GAN: variants seen among roughly 807,000 people sequenced by gnomAD.
GAN encodes the protein gigaxonin.
A neutral mutation model predicts 71.3 loss-of-function variants in GAN; 48 were observed. The observed-to-expected ratio is 0.67, with a 90% CI of 0.53 to 0.86. The LOEUF (loss-of-function observed/expected upper bound fraction) is 0.86. GAN is among the 40% of genes least tolerant of loss of function. The probability of loss-of-function intolerance (pLI) is 0.00; values close to 1 mark genes in which losing one functional copy is unlikely to be tolerated. For missense variants in GAN, 928 were observed against 770.1 expected, an observed-to-expected ratio of 1.21 and a Z score of -2.43; for synonymous variants, 386 against 276.8, an observed-to-expected ratio of 1.39 and a Z score of -3.92.
chr16:81,352,965 G>C (rs1273203521), intron 2 of GAN, among the ~76,000 whole-genome samples: 1 of 152,204 alleles, frequency 6.6e-6, no homozygotes, highest in Non-Finnish European at 1.5e-5. Flanking sequence ...TTTACAGATT[G>C]AGTTCTGTGA....
At chr16:81,354,002 C>G (rs535217706) in intron 2 of GAN, among the ~76,000 whole-genome samples, 2 of 152,210 alleles carry the variant, frequency 1.3e-5, no homozygotes, top group African/African-American at 4.8e-5. Flanking sequence ...GGTGGGGAGG[C>G]AAGATTTTCA....
chr16:81,315,030 G>C lies in GAN; in HGVS notation c.-84G>C, dbSNP rs1000087377. On this transcript the variant is annotated 5_prime_UTR_variant, in exon 1 of 11. Transcript: ENST00000648994. The stretch of plus-strand genomic sequence containing the variant: ...GCGCGGAGAGCCGGGCCGGGCGGGC[G>C]CGCGCGCAGGACTCGGGCCGCTCGA... 7.0e-6 allele frequency: 8 copies of C among 1,139,152 alleles called. No individual in the cohort carries two copies. The highest frequency in any genetic ancestry group is 9.2e-6 in the Non-Finnish European group (8 of 873,056). The allele number at this position is 1,139,152 out of a possible 1,614,324, so 70.6% of individuals were successfully genotyped here.
intron 1 of GAN, 60 bp downstream of exon 1, chr16:81,315,340 G>C (rs1347199198): frequency 4.9e-6 from 6 of 1,230,472 alleles, no homozygotes; most frequent in Non-Finnish European, 6.3e-6. Flanking sequence ...GAGGCGGGGC[G>C]GCCGGGCCGG....
At chr16:81,359,205 C>CT (rs1238617639) in intron 5 of GAN, among the ~76,000 whole-genome samples, 3 of 151,896 alleles carry the variant, frequency 2.0e-5, no homozygotes, top group African/African-American at 7.3e-5. Flanking sequence ...TTACATTTCC[C>CT]CCAAAATATA....
chr16:81,316,490 TG>T (rs1030791107), intron 1 of GAN, among the ~76,000 whole-genome samples: 1 of 16,114 alleles, frequency 6.2e-5, no homozygotes, highest in Non-Finnish European at 1.3e-4. Flanking sequence ...TGTGGAGGGG[TG>T]GGGGGGCGGG....
In GAN at chr16:81,359,294, G is replaced by T. The variant is rs1162508345; in HGVS notation, c.973+1363G>T. On this transcript the variant is annotated intron_variant, in intron 5 of 10. Coordinates refer to ENST00000648994, the MANE Select transcript of GAN (RefSeq NM_022041.4). ...GACTAATATTTGAAAGTTTGCTAGA[G>T]GGATTGGTGTTTCAGAAACCCAGCA... is the stretch of plus-strand genomic sequence containing the variant. 2.6e-5 allele frequency among the ~76,000 whole-genome samples: 4 copies of T among 152,264 alleles called. No homozygotes were observed. The East Asian group carries it at 5.8e-4, about 22-fold the overall frequency.
In GAN at chr16:81,315,058, G is replaced by T; in HGVS notation, c.-56G>T. 4 of 1,378,722 alleles carry T rather than the reference G, an allele frequency of 2.9e-6. No individual in the cohort carries two copies. The highest frequency in any genetic ancestry group is 1.6e-5 in the South Asian group (1 of 63,766). 85.4% of individuals were successfully genotyped at this position (1,378,722 alleles called of 1,614,324 possible). A position where few individuals can be genotyped will look rare whatever the true frequency, so the allele number is the denominator to read the frequency against. Reference sequence around the variant, plus strand: ...CGCGCAGGACTCGGGCCGCTCGAGGGGTCCGGCCGGACGGTGTCGGGAGCC... The same window carrying T: ...CGCGCAGGACTCGGGCCGCTCGAGGTGTCCGGCCGGACGGTGTCGGGAGCC... On this transcript the variant is annotated 5_prime_UTR_variant, in exon 1 of 11. Transcript: ENST00000648994.
chr16:81,327,662 G>A (rs1266502695), intron 1 of GAN, among the ~76,000 whole-genome samples: 3 of 152,226 alleles, frequency 2.0e-5, no homozygotes, highest in Non-Finnish European at 4.4e-5. Flanking sequence ...AAAATGGAAA[G>A]TGAGTAGAAA....
chr16:81,317,492 A>G (rs12447403), intron 1 of GAN, among the ~76,000 whole-genome samples: 10 of 152,196 alleles, frequency 6.6e-5, no homozygotes, highest in African/African-American at 1.9e-4. Context: ...GAAATACGTA[A>G]TAGTGTTGAC....
chr16:81,376,329 CA>C (rs1904279516), intron 9 of GAN, among the ~76,000 whole-genome samples: 1 of 152,036 alleles, frequency 6.6e-6, no homozygotes, highest in Non-Finnish European at 1.5e-5. Context: ...GAATGAATAA[CA>C]AATTCTGGGG....
chr16:81,317,216 T>A (rs1336125030), intron 1 of GAN, among the ~76,000 whole-genome samples: 1 of 152,226 alleles, frequency 6.6e-6, no homozygotes, highest in East Asian at 1.9e-4. Flanking sequence ...GCCTATCAGT[T>A]AATGTATTGA....
rs1366387738 is a variant in GAN at position 81,384,073 on chromosome 16, C to T, written c.*6477C>T. ...ATACAACTGTACTAACTTGCTTTAT[C>T]ATGTTTCCTGTTTAATTGGATGAGA... is the stretch of plus-strand genomic sequence containing the variant. On this transcript the variant is annotated 3_prime_UTR_variant, in exon 11 of 11. Coordinates refer to ENST00000648994, the MANE Select transcript of GAN (RefSeq NM_022041.4). 1.3e-5 allele frequency: 2 copies of T among 151,998 alleles called. No individual in the cohort carries two copies. Among genetic ancestry groups the T allele is most frequent in the African/African-American group, 4.8e-5 (2 of 41,390 alleles). 9.4% of individuals were successfully genotyped at this position (151,998 alleles called of 1,614,324 possible). A position where few individuals can be genotyped will look rare whatever the true frequency, so the allele number is the denominator to read the frequency against.
chr16:81,364,942 G>T (rs1389887647), intron 7 of GAN, 32 bp from the exon 8 acceptor site: 1 of 1,611,450 alleles, frequency 6.2e-7, no homozygotes, highest in Non-Finnish European at 8.5e-7. Flanking sequence ...GAGAAATGTT[G>T]CCTCTCCCCC....
intron 7 of GAN, among the ~76,000 whole-genome samples, chr16:81,364,654 A>C (rs1305103293): frequency 6.6e-6 from 1 of 152,132 alleles, no homozygotes; most frequent in African/African-American, 2.4e-5. Flanking sequence ...GCACCACTGC[A>C]CTCCAGCCAA....
chr16:81,324,592 C>G (rs571050648), intron 1 of GAN, among the ~76,000 whole-genome samples: 1 of 151,982 alleles, frequency 6.6e-6, no homozygotes, highest in Non-Finnish European at 1.5e-5. Context: ...GGCCTGTGAT[C>G]CCTGAGTTAG....
chr16:81,365,003 A>G lies in GAN; in HGVS notation c.1266A>G (p.Lys422=). ...KIGCYAAMKK[K]IYAMGGGSYG... Reference sequence around the variant, plus strand: ...GCTGCTATGCAGCTATGAAAAAGAAAATCTACGCCATGGGTGGAGGCTCCT... The same window carrying G: ...GCTGCTATGCAGCTATGAAAAAGAAGATCTACGCCATGGGTGGAGGCTCCT... Residue 422 remains lysine (K), a synonymous_variant, in exon 8 of 11, where the codon AAA becomes AAG. Transcript: ENST00000648994. 1.2e-6 allele frequency: 2 copies of G among 1,614,048 alleles called. No individual in the cohort carries two copies. Among genetic ancestry groups the G allele is most frequent in the Non-Finnish European group, 1.7e-6 (2 of 1,179,914 alleles).
intron 5 of GAN, among the ~76,000 whole-genome samples, chr16:81,358,287 G>T (rs942304886): frequency 7.2e-5 from 11 of 152,106 alleles, no homozygotes; most frequent in Non-Finnish European, 1.5e-5. Context: ...TGAAATTCAT[G>T]CAGCTTAGAA....
chr16:81,369,797 C>T (rs1910978615), intron 9 of GAN, among the ~76,000 whole-genome samples: 1 of 152,200 alleles, frequency 6.6e-6, no homozygotes, highest in African/African-American at 2.4e-5. Context: ...GTCTCGATCT[C>T]CTGACCTCTT....
At chr16:81,351,755 A>C in intron 2 of GAN, 58 bp downstream of exon 2, 2 of 821,826 alleles carry the variant, frequency 2.4e-6, no homozygotes, top group Middle Eastern at 4.4e-4. Context: ...GCTCAGGGTG[A>C]GGGTCTCCTT....
Sources: gnomAD v4.1 joint callset for allele counts (sites outside exome capture counted in the v4.1 genomes callset) on GRCh38, gnomAD v4.1.1 for gene constraint, MANE v1.5 for transcripts, NCBI Gene and HGNC (gene_info 2026-07-23, HGNC 2026-07-21) for gene names.